FGF14: variants seen among roughly 807,000 people sequenced by gnomAD.
The protein encoded by FGF14 is fibroblast growth factor 14, also known as fibroblast growth factor homologous factor 4.
FGF14 carries 5 observed loss-of-function variants against 25.5 expected under a neutral mutation model. The ratio of observed to expected loss-of-function variants is 0.20; its 90% CI spans 0.10 to 0.41. The LOEUF (loss-of-function observed/expected upper bound fraction) is 0.41. Ranked by LOEUF, FGF14 falls within the 10% of genes least tolerant of loss-of-function variation. The pLI is 1.00. For synonymous variants in FGF14, 138 were observed against 118.3 expected (o/e 1.17, Z -1.08); for missense variants, 222 against 320.1 (o/e 0.69, Z 2.34).
chr13:101,996,655 C>G (rs2039203165), intron 1 of FGF14, among the ~76,000 whole-genome samples: 1 of 152,164 alleles, frequency 6.6e-6, no homozygotes, highest in Non-Finnish European at 1.5e-5. Context: ...ATTGGGAATT[C>G]ATGTAGCAGC....
intron 1 of FGF14, among the ~76,000 whole-genome samples, chr13:102,202,782 T>A (rs1019555267): frequency 6.6e-6 from 1 of 152,142 alleles, no homozygotes; most frequent in African/African-American, 2.4e-5. Flanking sequence ...GACAATTTGG[T>A]AAAATGTCCT....
chr13:101,980,296 A>C (rs1294102542), intron 1 of FGF14, among the ~76,000 whole-genome samples: 1 of 151,966 alleles, frequency 6.6e-6, no homozygotes, highest in African/African-American at 2.4e-5. Flanking sequence ...TGGACTTTAC[A>C]GGGATTTAGT....
chr13:102,136,428 A>T (rs538031294), intron 1 of FGF14, among the ~76,000 whole-genome samples: 1 of 152,268 alleles, frequency 6.6e-6, no homozygotes, highest in Admixed American at 6.5e-5. Flanking sequence ...TAGTCTTATT[A>T]CACATTTGAG....
At position 101,722,207 on chromosome 13, in the gene FGF14, TTAATCTTTC is replaced by T. The variant is rs1186822848; in HGVS notation, c.*615_*623del. On this transcript the variant is annotated 3_prime_UTR_variant, in exon 5 of 5. Coordinates refer to ENST00000376143, the MANE Select transcript of FGF14 (RefSeq NM_004115.4). ...TGTGAGCCAGAGACAACAATCTTTC[TTAATCTTTC>T]TTTATAGATGCAATTTGTAATAATA... The T allele has an allele frequency of 5.9e-6, 1 of 169,796 alleles. No individual in the cohort carries two copies. Among genetic ancestry groups the T allele is most frequent in the Admixed American group, 5.5e-5 (1 of 18,144 alleles). 10.5% of individuals were successfully genotyped at this position (169,796 alleles called of 1,614,324 possible). A position where few individuals can be genotyped will look rare whatever the true frequency, so the allele number is the denominator to read the frequency against.
intron 3 of FGF14, among the ~76,000 whole-genome samples, chr13:101,806,551 G>A (rs550366483): frequency 6.6e-6 from 1 of 151,844 alleles, no homozygotes; most frequent in African/African-American, 2.4e-5. Flanking sequence ...GATTTATTAG[G>A]CATTGAAATA....
intron 1 of FGF14, among the ~76,000 whole-genome samples, chr13:102,207,592 T>A (rs1469364036): frequency 9.0e-6 from 1 of 110,972 alleles, no homozygotes; most frequent in East Asian, 2.6e-4. Flanking sequence ...TTTTGCAACA[T>A]CTGTCCTTGA....
At chr13:101,737,628 T>C (rs2036274603) in intron 3 of FGF14, among the ~76,000 whole-genome samples, 1 of 152,172 alleles carries the variant, frequency 6.6e-6, no homozygotes, top group Admixed American at 6.5e-5. Context: ...AAACCAAATT[T>C]GTGATTTTTA....
intron 1 of FGF14, among the ~76,000 whole-genome samples, chr13:101,997,534 A>C (rs1422754024): frequency 6.6e-6 from 1 of 152,264 alleles, no homozygotes; most frequent in African/African-American, 2.4e-5. Flanking sequence ...CTTCTTGCTT[A>C]AAATCATGCT....
At chr13:102,255,298 A>G (rs1184367668) in intron 1 of FGF14, among the ~76,000 whole-genome samples, 1 of 152,254 alleles carries the variant, frequency 6.6e-6, no homozygotes, top group African/African-American at 2.4e-5. Flanking sequence ...GGTATCAAGT[A>G]CAGTGATAGG....
chr13:101,986,314 A>G (rs1321787202), intron 1 of FGF14, among the ~76,000 whole-genome samples: 1 of 152,090 alleles, frequency 6.6e-6, no homozygotes, highest in Non-Finnish European at 1.5e-5. Context: ...CCGGTTTGTG[A>G]TGATCCACTC....
intron 1 of FGF14, among the ~76,000 whole-genome samples, chr13:102,057,969 A>ACAT (rs2042511024): frequency 6.6e-6 from 1 of 152,154 alleles, no homozygotes; most frequent in Non-Finnish European, 1.5e-5. Context: ...ACTGATAATC[A>ACAT]CATTACTTTA....
intron 3 of FGF14, among the ~76,000 whole-genome samples, chr13:101,805,810 A>G (rs915645408): frequency 2.0e-5 from 3 of 152,066 alleles, no homozygotes; most frequent in Non-Finnish European, 2.9e-5. Flanking sequence ...CTTCAATACC[A>G]CCCAAGTCAA....
chr13:102,150,167 T>C (rs1281800291), intron 1 of FGF14, among the ~76,000 whole-genome samples: 1 of 152,102 alleles, frequency 6.6e-6, no homozygotes, highest in Non-Finnish European at 1.5e-5. Flanking sequence ...GTCAAGTCCC[T>C]TAGCATCTTT....
At chr13:102,050,583 G>C (rs781686292) in intron 1 of FGF14, among the ~76,000 whole-genome samples, 2 of 152,112 alleles carry the variant, frequency 1.3e-5, no homozygotes, top group Non-Finnish European at 2.9e-5. Flanking sequence ...GATTCCTTAA[G>C]ACTCAATGTA....
intron 3 of FGF14, among the ~76,000 whole-genome samples, chr13:101,849,842 A>C (rs1030218850): frequency 6.6e-6 from 1 of 151,956 alleles, no homozygotes; most frequent in Non-Finnish European, 1.5e-5. Flanking sequence ...CTCTCCCCCT[A>C]ATTAACTGAG....
At chr13:102,358,551 T>C (rs1449335349) in intron 1 of FGF14, among the ~76,000 whole-genome samples, 1 of 152,202 alleles carries the variant, frequency 6.6e-6, no homozygotes, top group Non-Finnish European at 1.5e-5. Flanking sequence ...CATCAGTTAA[T>C]CTACAAGTAG....
intron 1 of FGF14, among the ~76,000 whole-genome samples, chr13:101,982,897 T>C (rs2038351249): frequency 6.6e-6 from 1 of 152,242 alleles, no homozygotes; most frequent in Admixed American, 6.5e-5. Flanking sequence ...AATGTTTTCC[T>C]ATACAAACCC....
chr13:102,364,243 G>A (rs1314834132), intron 1 of FGF14, among the ~76,000 whole-genome samples: 1 of 152,246 alleles, frequency 6.6e-6, no homozygotes, highest in Non-Finnish European at 1.5e-5. Context: ...AAAAGCACTT[G>A]TGCTGTAAAA....
At chr13:101,824,161 A>C (rs901795828) in intron 3 of FGF14, among the ~76,000 whole-genome samples, 1 of 152,092 alleles carries the variant, frequency 6.6e-6, no homozygotes, top group Non-Finnish European at 1.5e-5. Flanking sequence ...TCTTTTTTTT[A>C]ACACTTTAAT....
Sources: allele counts gnomAD v4.1 joint callset (sites outside exome capture counted in the v4.1 genomes callset), GRCh38; gene constraint gnomAD v4.1.1; transcripts MANE v1.5; gene names NCBI Gene and HGNC (gene_info 2026-07-23, HGNC 2026-07-21).